Variants in HERC3 observed in about 807,000 individuals in gnomAD.
HERC3 encodes the protein probable E3 ubiquitin-protein ligase HERC3.
A neutral mutation model predicts 129.9 loss-of-function variants in HERC3; 58 were observed. The ratio of observed to expected loss-of-function variants is 0.45; its 90% CI spans 0.36 to 0.56. HERC3 has a LOEUF of 0.56. Ranked by LOEUF, HERC3 falls within the 20% of genes least tolerant of loss-of-function variation. The pLI, the probability that HERC3 is intolerant of heterozygous loss-of-function variation, is 0.00. For synonymous variants in HERC3, 430 were observed against 451.0 expected, an observed-to-expected ratio of 0.95 and a Z score of 0.59; for missense variants, 835 against 1,244.2, an observed-to-expected ratio of 0.67 and a Z score of 4.95.
intron 3 of HERC3, among the ~76,000 whole-genome samples, chr4:88,629,496 C>G (rs1278325328): frequency 1.3e-5 from 2 of 152,082 alleles, no homozygotes; most frequent in African/African-American, 4.8e-5. Flanking sequence ...AGGATATAAT[C>G]CTAGTTTCTA....
intron 3 of HERC3, among the ~76,000 whole-genome samples, chr4:88,630,249 T>C (rs957537214): frequency 1.3e-5 from 2 of 152,360 alleles, no homozygotes; most frequent in African/African-American, 4.8e-5. Context: ...AGAATGATGA[T>C]GCTTTGAAAT....
At chr4:88,582,976 A>G in the HERC3 span, among the ~76,000 whole-genome samples, 2 of 152,320 alleles carry the variant, frequency 1.3e-5, no homozygotes, top group East Asian at 1.9e-4. Flanking sequence ...TCTTGTGCAC[A>G]TGTACACATT....
At chr4:88,561,494 C>A in the HERC3 span, among the ~76,000 whole-genome samples, 1 of 152,036 alleles carries the variant, frequency 6.6e-6, no homozygotes, top group Non-Finnish European at 1.5e-5. Flanking sequence ...AAGCATTTAT[C>A]ATTTCTTTGT....
intron 4 of HERC3, 87 bp downstream of exon 4, chr4:88,650,086 C>A: frequency 1.5e-6 from 2 of 1,321,524 alleles, no homozygotes; most frequent in Non-Finnish European, 2.1e-6. Context: ...CTGTTTTCTT[C>A]ATTTAATTGC....
chr4:88,651,955 G>C (rs751724169), intron 4 of HERC3, 57 bp from the exon 5 acceptor site: 23 of 1,155,410 alleles, frequency 2.0e-5, no homozygotes, highest in Non-Finnish European at 2.7e-5. Flanking sequence ...GAATATTTCT[G>C]ATAATTGTGT....
the HERC3 span, among the ~76,000 whole-genome samples, chr4:88,529,666 A>C: frequency 6.6e-6 from 1 of 151,952 alleles, no homozygotes; most frequent in Non-Finnish European, 1.5e-5. Flanking sequence ...AGGCAGGAGA[A>C]TCGCTTGAAA....
the HERC3 span, among the ~76,000 whole-genome samples, chr4:88,560,893 G>T: frequency 2.6e-5 from 4 of 152,198 alleles, no homozygotes; most frequent in Non-Finnish European, 4.4e-5. Context: ...TTATGTGACT[G>T]TATATGCTTG....
chr4:88,678,727 A>G (rs554107345), intron 19 of HERC3, among the ~76,000 whole-genome samples: 1 of 152,312 alleles, frequency 6.6e-6, no homozygotes, highest in South Asian at 2.1e-4. Flanking sequence ...CCCTCAGACA[A>G]CTTCCATATC....
intron 23 of HERC3, among the ~76,000 whole-genome samples, chr4:88,702,772 A>G (rs1443641979): frequency 6.6e-6 from 1 of 152,216 alleles, no homozygotes; most frequent in Admixed American, 6.5e-5. Context: ...GGCATGGTCA[A>G]GGGTATTTAC....
rs148843604 is a variant in HERC3 at position 88,614,597 on chromosome 4, G to T, written c.226+8548G>T. Among the ~76,000 whole-genome samples the T allele has an allele frequency of 5.8e-3, 884 of 152,234 alleles. 1 individual carries two copies. The highest frequency in any genetic ancestry group is 8.8e-3 in the Non-Finnish European group (597 of 67,998). On this transcript the variant is annotated intron_variant, in intron 3 of 25. Transcript: ENST00000402738. Reference sequence around the variant, plus strand: ...CTTGAAACCCATTAGACTACTGTTTGTCAGCTGCCTTTTTAAGCTCTTTTG... The same window carrying T: ...CTTGAAACCCATTAGACTACTGTTTTTCAGCTGCCTTTTTAAGCTCTTTTG...
At chr4:88,559,106 A>G in the HERC3 span, among the ~76,000 whole-genome samples, 4 of 152,198 alleles carry the variant, frequency 2.6e-5, no homozygotes, top group Non-Finnish European at 5.9e-5. Flanking sequence ...TGAAGCAATA[A>G]TCCATTTATG....
At chr4:88,622,058 C>T (rs997758847) in intron 3 of HERC3, among the ~76,000 whole-genome samples, 1 of 152,184 alleles carries the variant, frequency 6.6e-6, no homozygotes, top group African/African-American at 2.4e-5. Flanking sequence ...AGTATATTCA[C>T]GGAGTTGTAT....
the HERC3 span, among the ~76,000 whole-genome samples, chr4:88,579,230 A>ATT: frequency 2.0e-5 from 2 of 98,690 alleles, no homozygotes; most frequent in African/African-American, 1.8e-4. Flanking sequence ...AAAAAAAAAA[A>ATT]AAATATATAT....
chr4:88,569,822 G>A, the HERC3 span, among the ~76,000 whole-genome samples: 1 of 152,172 alleles, frequency 6.6e-6, no homozygotes, highest in Non-Finnish European at 1.5e-5. Context: ...CCTGTTCTTT[G>A]GAAATGGCCA....
chr4:88,619,834 C>T (rs1725322097), intron 3 of HERC3, among the ~76,000 whole-genome samples: 1 of 152,098 alleles, frequency 6.6e-6, no homozygotes, highest in African/African-American at 2.4e-5. Flanking sequence ...TGAATTTATG[C>T]AAATATGTTC....
At chr4:88,580,052 A>G in the HERC3 span, among the ~76,000 whole-genome samples, 2 of 151,956 alleles carry the variant, frequency 1.3e-5, no homozygotes, top group African/African-American at 4.8e-5. Flanking sequence ...GTGTTGTTTT[A>G]GGCCACTAAG....
intron 23 of HERC3, among the ~76,000 whole-genome samples, 190 bp downstream of exon 23, chr4:88,687,489 A>G (rs1187859154): frequency 6.6e-6 from 1 of 152,248 alleles, no homozygotes; most frequent in African/African-American, 2.4e-5. Flanking sequence ...GCCTAGATTC[A>G]GGAGATGACT....
chr4:88,645,526 G>T (rs1462076611), intron 3 of HERC3, among the ~76,000 whole-genome samples: 1 of 151,950 alleles, frequency 6.6e-6, no homozygotes, highest in African/African-American at 2.4e-5. Flanking sequence ...CTCCTTATCT[G>T]CAGGGGATGT....
chr4:88,656,087 T>C, intron 9 of HERC3, 52 bp downstream of exon 9: 1 of 1,560,964 alleles, frequency 6.4e-7, no homozygotes, highest in South Asian at 1.1e-5. Flanking sequence ...ATGAAAACAG[T>C]TGTTTACAGA....
Sources: gnomAD v4.1 joint callset for allele counts (sites outside exome capture counted in the v4.1 genomes callset) on GRCh38, gnomAD v4.1.1 for gene constraint, MANE v1.5 for transcripts, NCBI Gene and HGNC (gene_info 2026-07-23, HGNC 2026-07-21) for gene names.